The following RAPGEF2 variants were observed in gnomAD, a reference collection of about 807,000 sequenced individuals.
RAPGEF2 encodes the protein Rap guanine nucleotide exchange factor 2, also known as PDZ domain containing guanine nucleotide exchange factor (GEF) 1.
Under a neutral mutation model 186.7 loss-of-function variants are expected in RAPGEF2, and 54 were observed. The ratio of observed to expected loss-of-function variants is 0.29; its 90% CI spans 0.23 to 0.36. RAPGEF2 has a LOEUF of 0.36. Ranked by LOEUF, RAPGEF2 falls within the 10% of genes least tolerant of loss-of-function variation. RAPGEF2 has a pLI of 1.00. For synonymous variants in RAPGEF2, 712 were observed against 705.9 expected (o/e 1.01, Z -0.14); for missense variants, 1,532 against 2,045.0 (o/e 0.75, Z 4.84).
At chr4:159,194,551 C>T (rs1349760788) in intron 3 of RAPGEF2, among the ~76,000 whole-genome samples, 1 of 152,174 alleles carries the variant, frequency 6.6e-6, no homozygotes, top group Non-Finnish European at 1.5e-5. Flanking sequence ...AAATCCCAGA[C>T]AGCACAGTTC....
At chr4:159,198,292 TTCTTTCTTTCTTTCTTTCTTTC>T (rs1322229158) in intron 3 of RAPGEF2, among the ~76,000 whole-genome samples, 1 of 26,276 alleles carries the variant, frequency 3.8e-5, no homozygotes, top group Non-Finnish European at 6.8e-5. Context: ...CTTTCTTTCT[TTCTTTCTTTCTTTCTTTCTTTC>T]TTTCTTTCTT....
At position 159,330,327 on chromosome 4, in the gene RAPGEF2, G is replaced by A; in HGVS notation, c.1303-7G>A. ...TATGTAGTAATTAAACCTTTTCTTT[G>A]TTACAGGGTACCTCAGAAAGGTTAA... On this transcript the variant is annotated splice_polypyrimidine_tract_variant and splice_region_variant and intron_variant, in intron 12 of 29. Transcript: ENST00000691494. 2 of 1,432,544 alleles carry A rather than the reference G, an allele frequency of 1.4e-6. No homozygotes were observed. The highest frequency in any genetic ancestry group is 1.9e-6 in the Non-Finnish European group (2 of 1,066,778). 88.7% of individuals were successfully genotyped at this position (1,432,544 alleles called of 1,614,324 possible).
At chr4:159,147,958 C>G (rs1342916029) in intron 1 of RAPGEF2, among the ~76,000 whole-genome samples, 1 of 152,144 alleles carries the variant, frequency 6.6e-6, no homozygotes, top group Non-Finnish European at 1.5e-5. Context: ...TTTAAAAAAT[C>G]TTATTTCTGG....
intron 7 of RAPGEF2, among the ~76,000 whole-genome samples, chr4:159,273,512 T>C (rs1467805012): frequency 6.6e-6 from 1 of 152,146 alleles, no homozygotes; most frequent in Non-Finnish European, 1.5e-5. Context: ...AAAATCAATT[T>C]AGATTACTGA....
chr4:159,228,382 A>G (rs1031103530), intron 4 of RAPGEF2: 12 of 152,222 alleles, frequency 7.9e-5, no homozygotes, highest in African/African-American at 2.9e-4. Context: ...TAAAGGAATT[A>G]AAATGTTAGT....
intron 1 of RAPGEF2, among the ~76,000 whole-genome samples, chr4:159,177,234 A>C (rs1746532883): frequency 6.8e-6 from 1 of 146,790 alleles, no homozygotes; most frequent in South Asian, 2.1e-4. Context: ...TTTTTTTGGC[A>C]TACAGACACA....
intron 4 of RAPGEF2, among the ~76,000 whole-genome samples, chr4:159,233,585 G>GC (rs946548408): frequency 6.6e-6 from 1 of 152,096 alleles, no homozygotes; most frequent in Non-Finnish European, 1.5e-5. Context: ...GGATACAGAG[G>GC]CATAATAATG....
chr4:159,304,794 A>G (rs1409386139), intron 8 of RAPGEF2, among the ~76,000 whole-genome samples: 9 of 152,068 alleles, frequency 5.9e-5, no homozygotes, highest in Non-Finnish European at 1.2e-4. Context: ...CATCACCCCA[A>G]TAACCTACAT....
intron 7 of RAPGEF2, among the ~76,000 whole-genome samples, chr4:159,293,956 G>A (rs1761582865): frequency 6.6e-6 from 1 of 152,154 alleles, no homozygotes; most frequent in Non-Finnish European, 1.5e-5. Flanking sequence ...TACTCCAGTG[G>A]TTTGAACTCA....
chr4:159,338,184 T>C lies in RAPGEF2; in HGVS notation c.2136-127T>C, dbSNP rs1767737359. On this transcript the variant is annotated intron_variant, in intron 17 of 29. Coordinates refer to ENST00000691494, the MANE Select transcript of RAPGEF2 (RefSeq NM_001394067.2). ...CTTTTGCAGTTTTCAACCAAATTTATTAATGGTGTTTTTACATGAGCTGCA... is the reference window on the plus strand; with the variant it reads ...CTTTTGCAGTTTTCAACCAAATTTACTAATGGTGTTTTTACATGAGCTGCA... 1.8e-5 allele frequency: 13 copies of C among 738,886 alleles called. No homozygotes were observed. In the South Asian group the frequency reaches 3.5e-4, roughly 20 times the overall value. 45.8% of individuals were successfully genotyped at this position (738,886 alleles called of 1,614,324 possible).
intron 19 of RAPGEF2, among the ~76,000 whole-genome samples, 178 bp downstream of exon 19, chr4:159,339,532 C>G (rs1320504496): frequency 4.0e-5 from 6 of 151,692 alleles, no homozygotes; most frequent in African/African-American, 1.5e-4. Context: ...AGCAAATGCA[C>G]ACAGTCGACT....
chr4:159,251,958 T>C (rs1005373948), intron 7 of RAPGEF2, among the ~76,000 whole-genome samples: 18 of 151,350 alleles, frequency 1.2e-4, no homozygotes, highest in African/African-American at 4.4e-4. Context: ...ACCGCGGAGG[T>C]CTGCAGCTTC....
At chr4:159,279,825 C>T (rs997277313) in intron 7 of RAPGEF2, among the ~76,000 whole-genome samples, 2 of 151,906 alleles carry the variant, frequency 1.3e-5, no homozygotes, top group South Asian at 2.1e-4. Context: ...ACTACAGGTG[C>T]GTATCACCAC....
chr4:159,319,204 G>C (rs1486218430), intron 9 of RAPGEF2, among the ~76,000 whole-genome samples: 1 of 152,164 alleles, frequency 6.6e-6, no homozygotes, highest in African/African-American at 2.4e-5. Context: ...TCCCTGACCT[G>C]TTAGGAACTA....
In RAPGEF2 at chr4:159,303,503, T is replaced by C. The variant is rs1762925911; in HGVS notation, c.544-839T>C. On this transcript the variant is annotated intron_variant, in intron 7 of 29. Coordinates refer to ENST00000691494, the MANE Select transcript of RAPGEF2 (RefSeq NM_001394067.2). ...ATATTATAGACAAATATAATGTCTT[T>C]TTTTATTCAAAAGAATTGGTAATAA... Among the ~76,000 whole-genome samples, 3 of 152,266 alleles carry C rather than the reference T, an allele frequency of 2.0e-5. No individual in the cohort carries two copies. In the South Asian group the frequency reaches 6.2e-4, roughly 32 times the overall value.
intron 4 of RAPGEF2, among the ~76,000 whole-genome samples, chr4:159,232,267 C>T (rs1752731776): frequency 6.6e-6 from 1 of 152,150 alleles, no homozygotes; most frequent in South Asian, 2.1e-4. Context: ...ATGGAAACCC[C>T]GAAACCATTA....
chr4:159,165,405 C>T (rs1327855367), intron 1 of RAPGEF2, among the ~76,000 whole-genome samples: 3 of 152,048 alleles, frequency 2.0e-5, no homozygotes, highest in Non-Finnish European at 4.4e-5. Flanking sequence ...TCATTCAGAT[C>T]GGATATGTTT....
In RAPGEF2 at chr4:159,314,615, A is replaced by G. The variant is rs1385307102; in HGVS notation, c.700A>G (p.Met234Val). The stretch of plus-strand genomic sequence containing the variant: ...GGCCACAGAAAGCGAGGCTGGTGAT[A>G]TGGACCTGAGTGGGTTGCCAGAAAC... ...YQATESEAGDMDLSGLPETAV... is the reference protein window; with the variant it reads ...YQATESEAGDVDLSGLPETAV... Residue 234 changes from methionine (M) to valine (V), a missense_variant, in exon 9 of 30, where the codon ATG becomes GTG. Transcript: ENST00000691494. 1.2e-6 allele frequency: 2 copies of G among 1,613,180 alleles called. No homozygotes were observed. Among genetic ancestry groups the G allele is most frequent in the South Asian group, 1.1e-5 (1 of 90,942 alleles).
intron 8 of RAPGEF2, among the ~76,000 whole-genome samples, chr4:159,304,714 G>C (rs1171272977): frequency 1.3e-4 from 20 of 152,056 alleles, no homozygotes; most frequent in Non-Finnish European, 4.4e-5. Flanking sequence ...GTATAAATTT[G>C]TGGGGTAAAA....
Sources: gnomAD v4.1 joint callset for allele counts (sites outside exome capture counted in the v4.1 genomes callset) on GRCh38, gnomAD v4.1.1 for gene constraint, MANE v1.5 for transcripts, NCBI Gene and HGNC (gene_info 2026-07-23, HGNC 2026-07-21) for gene names.